CBFB: variants seen among roughly 807,000 people sequenced by gnomAD.
CBFB encodes core-binding factor subunit beta, also known as CBF-beta.
Under a neutral mutation model 30.4 loss-of-function variants are expected in CBFB, and 9 were observed. The observed-to-expected ratio is 0.30, with a 90% CI of 0.18 to 0.52. The LOEUF is 0.52. Among genes scored for constraint, CBFB ranks in the 20% least tolerant of loss-of-function variants. CBFB has a pLI of 0.97. For synonymous variants in CBFB, 94 were observed against 84.0 expected (o/e 1.12, Z -0.65); for missense variants, 170 against 244.0 (o/e 0.70, Z 2.02).
chr16:67,075,177 G>A (rs947368020), intron 4 of CBFB, among the ~76,000 whole-genome samples: 7 of 147,370 alleles, frequency 4.7e-5, no homozygotes, highest in Non-Finnish European at 9.0e-5. Flanking sequence ...GCAACAGAGC[G>A]AGATTCTATC....
At chr16:67,031,975 C>T (rs997071213) in intron 2 of CBFB, among the ~76,000 whole-genome samples, 10 of 152,080 alleles carry the variant, frequency 6.6e-5, no homozygotes, top group African/African-American at 2.4e-4. Context: ...ACAGGCTCGG[C>T]GTCACCATAC....
At chr16:67,044,824 C>T (rs543982389) in intron 3 of CBFB, among the ~76,000 whole-genome samples, 1 of 152,136 alleles carries the variant, frequency 6.6e-6, no homozygotes, top group Non-Finnish European at 1.5e-5. Context: ...CAAGAAGTTC[C>T]TTCTCTGTAG....
intron 3 of CBFB, among the ~76,000 whole-genome samples, chr16:67,047,860 G>C (rs11864875): frequency 0.02 from 3,006 of 152,136 alleles, 91 homozygotes; most frequent in African/African-American, 0.068. Context: ...CCTGGGGTTA[G>C]GAGTTCAAGA....
In CBFB at chr16:67,099,070, C is replaced by T; in HGVS notation, c.*292C>T. ...AGTTGAAACTATCAACTGTAAAGCT[C>T]CTTTTCTTCCACTTTAATTTAAAAG... On this transcript the variant is annotated 3_prime_UTR_variant, in exon 6 of 6. Transcript: ENST00000412916. The T allele has an allele frequency of 3.0e-6, 1 of 330,930 alleles. No homozygotes were observed. Among genetic ancestry groups the T allele is most frequent in the Non-Finnish European group, 5.4e-6 (1 of 183,636 alleles). The allele number at this position is 330,930 out of a possible 1,614,324, so 20.5% of individuals were successfully genotyped here.
At chr16:67,042,596 T>TG (rs1396959025) in intron 3 of CBFB, among the ~76,000 whole-genome samples, 298 of 152,218 alleles carry the variant, frequency 2.0e-3, no homozygotes, top group Non-Finnish European at 3.0e-3. Flanking sequence ...TCTCATGAGG[T>TG]TGCAGTCAAG....
chr16:67,075,197 A>ATGTGTGTGTG (rs57425666), intron 4 of CBFB, among the ~76,000 whole-genome samples: 54 of 142,758 alleles, frequency 3.8e-4, no homozygotes, highest in Admixed American at 1.1e-3. Flanking sequence ...CTCAAAAAAA[A>ATGTGTGTGTG]TGTGTGTGTG....
intron 3 of CBFB, 33 bp downstream of exon 3, chr16:67,036,788 G>A (rs2145713966): frequency 8.2e-7 from 1 of 1,225,726 alleles, no homozygotes; most frequent in Middle Eastern, 1.9e-4. Flanking sequence ...TTAAAATACT[G>A]TGGGTTGTTT....
At chr16:67,079,075 C>T (rs997218941) in intron 4 of CBFB, among the ~76,000 whole-genome samples, 6 of 152,162 alleles carry the variant, frequency 3.9e-5, no homozygotes, top group Admixed American at 3.9e-4. Context: ...ATATTATGTC[C>T]TGAGAATATA....
At chr16:67,078,099 G>A (rs1186901214) in intron 4 of CBFB, among the ~76,000 whole-genome samples, 1 of 152,188 alleles carries the variant, frequency 6.6e-6, no homozygotes, top group Non-Finnish European at 1.5e-5. Flanking sequence ...GTTTTTATTA[G>A]CAGGTGCCCT....
chr16:67,098,411 A>G (rs568204354), intron 5 of CBFB, among the ~76,000 whole-genome samples: 1 of 152,206 alleles, frequency 6.6e-6, no homozygotes, highest in Non-Finnish European at 1.5e-5. Flanking sequence ...TTCTGGGATT[A>G]CAGGCATGAG....
intron 5 of CBFB, among the ~76,000 whole-genome samples, chr16:67,096,618 A>AT (rs904561886): frequency 6.6e-6 from 1 of 151,872 alleles, no homozygotes; most frequent in Non-Finnish European, 1.5e-5. Context: ...AACAGGAAGT[A>AT]TTTTTTTCTA....
chr16:67,091,521 TG>T (rs1010242868), intron 5 of CBFB, among the ~76,000 whole-genome samples: 1 of 152,218 alleles, frequency 6.6e-6, no homozygotes, highest in Non-Finnish European at 1.5e-5. Flanking sequence ...GTGACATAGC[TG>T]AAGTGGTAGG....
At chr16:67,059,468 G>A (rs1253797163) in intron 3 of CBFB, among the ~76,000 whole-genome samples, 1 of 152,094 alleles carries the variant, frequency 6.6e-6, no homozygotes, top group Non-Finnish European at 1.5e-5. Context: ...TGAAAGCAGT[G>A]GACTTCATTA....
At chr16:67,066,560 A>C (rs1266434549) in intron 3 of CBFB, 122 bp from the exon 4 acceptor site, 3 of 527,940 alleles carry the variant, frequency 5.7e-6, no homozygotes, top group Non-Finnish European at 1.0e-5. Flanking sequence ...ACTCCATCTC[A>C]ATCAATCAGT....
intron 3 of CBFB, among the ~76,000 whole-genome samples, chr16:67,042,799 G>A (rs551271058): frequency 9.2e-5 from 14 of 152,170 alleles, no homozygotes; most frequent in Non-Finnish European, 1.9e-4. Flanking sequence ...GTGCAGTGGC[G>A]TAATCTCAGC....
At chr16:67,087,930 C>A (rs887089787) in intron 5 of CBFB, among the ~76,000 whole-genome samples, 2 of 152,152 alleles carry the variant, frequency 1.3e-5, no homozygotes, top group African/African-American at 4.8e-5. Flanking sequence ...CTAAAAGCTC[C>A]ACCATAATGC....
chr16:67,085,944 C>T (rs1024777611), intron 5 of CBFB, among the ~76,000 whole-genome samples: 1 of 152,162 alleles, frequency 6.6e-6, no homozygotes, highest in African/African-American at 2.4e-5. Context: ...TCCCAAAGAG[C>T]TGGGATTACA....
In CBFB at chr16:67,087,442, G is replaced by A. The variant is rs1298349152; in HGVS notation, c.495+5134G>A. ...ATGGTAGCATGTGCCTGTGTTCCCA[G>A]CTACTTGGGAGGCTAGGTGGGAGGA... On this transcript the variant is annotated intron_variant, in intron 5 of 5. Coordinates refer to ENST00000412916, the MANE Select transcript of CBFB (RefSeq NM_022845.3). Among the ~76,000 whole-genome samples the A allele has an allele frequency of 2.0e-5, 3 of 151,908 alleles. No homozygotes were observed. The East Asian group carries it at 5.8e-4, about 29-fold the overall frequency.
At chr16:67,031,467 A>T (rs1173276992) in intron 2 of CBFB, among the ~76,000 whole-genome samples, 4 of 152,240 alleles carry the variant, frequency 2.6e-5, no homozygotes, top group Admixed American at 2.6e-4. Context: ...GAGGTAAAGG[A>T]TGCAAGTATA....
Sources: allele counts gnomAD v4.1 joint callset (sites outside exome capture counted in the v4.1 genomes callset), GRCh38; gene constraint gnomAD v4.1.1; transcripts MANE v1.5; gene names NCBI Gene and HGNC (gene_info 2026-07-23, HGNC 2026-07-21).